SYT2: variants seen among roughly 807,000 people sequenced by gnomAD.
SYT2 encodes the protein synaptotagmin 2.
In SYT2, 15 loss-of-function variants were observed where a neutral mutation model predicts 39.9. The observed-to-expected ratio is 0.38, with a 90% CI of 0.25 to 0.58. The LOEUF (loss-of-function observed/expected upper bound fraction) is 0.58. Ranked by LOEUF, SYT2 falls within the 20% of genes least tolerant of loss-of-function variation. SYT2 has a pLI of 0.70. For missense variants in SYT2, 389 were observed against 530.3 expected (o/e 0.73, Z 2.62); for synonymous variants, 181 against 204.5 (o/e 0.89, Z 0.98).
In SYT2 at chr1:202,590,666, A is replaced by C. The variant is rs1273602683; in HGVS notation, c.*6091T>G. ...AAATAACAATTTGACAAGAGATCAG[A>C]CAAGAACAAGAGTCCACATAAGGGA... On this transcript the variant is annotated 3_prime_UTR_variant, in exon 9 of 9. Transcript: ENST00000367268. The C allele has an allele frequency of 6.6e-6, 1 of 151,596 alleles. No individual in the cohort carries two copies. The highest frequency in any genetic ancestry group is 1.5e-5 in the Non-Finnish European group (1 of 67,962). The allele number at this position is 151,596 out of a possible 1,614,324, so 9.4% of individuals were successfully genotyped here. A position where few individuals can be genotyped will look rare whatever the true frequency, so the allele number is the denominator to read the frequency against.
chr1:202,655,313 C>T (rs1389142042), intron 1 of SYT2, among the ~76,000 whole-genome samples: 4 of 152,190 alleles, frequency 2.6e-5, no homozygotes, highest in African/African-American at 4.8e-5. Context: ...TTATTCACTA[C>T]AGGCTCATCC....
chr1:202,596,690 C>T lies in SYT2; in HGVS notation c.*67G>A, dbSNP rs1051470432. ...AAAGAAAACCTCTAAGGTTGCATAA[C>T]TGAGGTATTGATAGCTCTGGATCTT... On this transcript the variant is annotated 3_prime_UTR_variant, in exon 9 of 9. Transcript: ENST00000367268. The T allele has an allele frequency of 1.5e-5, 21 of 1,430,306 alleles. No homozygotes were observed. The highest frequency in any genetic ancestry group is 1.8e-5 in the Non-Finnish European group (19 of 1,034,984). The allele number at this position is 1,430,306 out of a possible 1,614,324, so 88.6% of individuals were successfully genotyped here. A position where few individuals can be genotyped will look rare whatever the true frequency, so the allele number is the denominator to read the frequency against.
rs1558425992 is a variant in SYT2 at position 202,605,625 on chromosome 1, T to C, written c.148A>G (p.Lys50Glu). 1 of 1,613,902 alleles carries C rather than the reference T, an allele frequency of 6.2e-7. No individual in the cohort carries two copies. The highest frequency in any genetic ancestry group is 1.1e-5 in the South Asian group (1 of 91,070). Residue 50 changes from lysine (K) to glutamate (E), a missense_variant, in exon 2 of 9, where the codon AAG (lysine) becomes GAG (glutamate). Physicochemically the swap from Lys to Glu is moderately conservative, Grantham distance 56 (BLOSUM62 1). Around this residue, in one of 4 missense-constraint regions of SYT2, gnomAD observed 280 missense variants for 335.6 expected, o/e 0.83. Transcript: ENST00000367268. ...ATCTTGTTTATCTCATTGAATAACT[T>C]CTCCTTCAGTTTGGCAAACATGTCC... The part of the protein sequence containing the change: ...QEDMFAKLKE[K>E]LFNEINKIPL...
intron 1 of SYT2, among the ~76,000 whole-genome samples, chr1:202,699,036 G>A (rs911111656): frequency 3.9e-4 from 27 of 68,550 alleles, no homozygotes; most frequent in African/African-American, 1.1e-3. Flanking sequence ...TTTTTTTTGA[G>A]ACACAGGGTC....
chr1:202,678,354 A>AT (rs1159142290), intron 1 of SYT2, among the ~76,000 whole-genome samples: 15 of 151,190 alleles, frequency 9.9e-5, no homozygotes, highest in South Asian at 4.2e-4. Flanking sequence ...ACCTTTCTAA[A>AT]TTTTTTTTTA....
chr1:202,685,048 G>A (rs766119699), intron 1 of SYT2, among the ~76,000 whole-genome samples: 11 of 152,172 alleles, frequency 7.2e-5, no homozygotes, highest in Admixed American at 2.0e-4. Flanking sequence ...CATGGAAGCC[G>A]GGAAGAGAGA....
At chr1:202,673,961 C>T (rs949290561) in intron 1 of SYT2, among the ~76,000 whole-genome samples, 10 of 151,646 alleles carry the variant, frequency 6.6e-5, no homozygotes, top group Admixed American at 2.0e-4. Flanking sequence ...GGGAACCTGC[C>T]GTTACATACA....
rs575962659 is a variant in SYT2, at chr1:202,656,831, G to A, written c.-17-51042C>T. The stretch of plus-strand genomic sequence containing the variant: ...CCCACCACATTATGCTCTTCCCACT[G>A]TTTGGACATCTTTAAGAGTTACAGT... On this transcript the variant is annotated intron_variant, in intron 1 of 8. Coordinates refer to ENST00000367268, the MANE Select transcript of SYT2 (RefSeq NM_177402.5). Among the ~76,000 whole-genome samples the A allele has an allele frequency of 3.3e-5, 5 of 152,322 alleles. No homozygotes were observed. The South Asian group carries it at 1.0e-3, about 32-fold the overall frequency.
At chr1:202,654,462 T>G (rs1692245422) in intron 1 of SYT2, among the ~76,000 whole-genome samples, 2 of 152,186 alleles carry the variant, frequency 1.3e-5, no homozygotes, top group Admixed American at 1.3e-4. Flanking sequence ...AAAACCTGAC[T>G]CCAGACTCAC....
At chr1:202,624,614 T>TGTCATAGAGTGTGTGTATGGC (rs1691305414) in intron 1 of SYT2, among the ~76,000 whole-genome samples, 3 of 130,506 alleles carry the variant, frequency 2.3e-5, no homozygotes, top group African/African-American at 5.8e-5. Flanking sequence ...GTGTGTGTGG[T>TGTCATAGAGTGTGTGTATGGC]GTCATAGAGT....
chr1:202,619,838 A>G (rs1236406566), intron 1 of SYT2, among the ~76,000 whole-genome samples: 1 of 152,248 alleles, frequency 6.6e-6, no homozygotes, highest in Non-Finnish European at 1.5e-5. Context: ...TTCAATCACC[A>G]TAGCTCTGTT....
chr1:202,637,120 G>C (rs377131919), intron 1 of SYT2, among the ~76,000 whole-genome samples: 1 of 152,030 alleles, frequency 6.6e-6, no homozygotes, highest in South Asian at 2.1e-4. Context: ...CCAGGAGTTC[G>C]AGCCCAGCCT....
chr1:202,610,485 G>A (rs1690856562), intron 1 of SYT2, among the ~76,000 whole-genome samples: 1 of 152,216 alleles, frequency 6.6e-6, no homozygotes, highest in Non-Finnish European at 1.5e-5. Context: ...CAATCAGGCA[G>A]GAGAAGGAAA....
chr1:202,676,115 T>C (rs537595090), intron 1 of SYT2, among the ~76,000 whole-genome samples: 2 of 152,324 alleles, frequency 1.3e-5, no homozygotes, highest in South Asian at 4.1e-4. Flanking sequence ...GTTGGATGTC[T>C]CACTGTTGCT....
At chr1:202,607,481 G>A (rs991821663) in intron 1 of SYT2, among the ~76,000 whole-genome samples, 3 of 152,214 alleles carry the variant, frequency 2.0e-5, no homozygotes, top group Admixed American at 6.5e-5. Flanking sequence ...TTAGGTATGA[G>A]TTAACTCTCC....
chr1:202,677,070 G>A (rs530637197), intron 1 of SYT2, among the ~76,000 whole-genome samples: 5 of 152,238 alleles, frequency 3.3e-5, no homozygotes, highest in South Asian at 2.1e-4. Context: ...TTTCTGCCAC[G>A]ATTGTAGATT....
intron 1 of SYT2, among the ~76,000 whole-genome samples, chr1:202,661,053 T>A (rs1572663946): frequency 6.6e-6 from 1 of 152,142 alleles, no homozygotes; most frequent in Admixed American, 6.5e-5. Context: ...TGGCTCCAGG[T>A]GCTGGGGACA....
intron 1 of SYT2, among the ~76,000 whole-genome samples, chr1:202,698,475 AC>A (rs1163722622): frequency 6.6e-6 from 1 of 152,150 alleles, no homozygotes. Context: ...GGAAGAACTG[AC>A]CACATTCTCT....
intron 1 of SYT2, among the ~76,000 whole-genome samples, chr1:202,700,745 G>C (rs1033567988): frequency 1.3e-5 from 2 of 152,040 alleles, no homozygotes; most frequent in Non-Finnish European, 2.9e-5. Context: ...TTCGGTGTTC[G>C]GTCTGTCTGC....
Sources: gnomAD v4.1 joint callset for allele counts (sites outside exome capture counted in the v4.1 genomes callset) on GRCh38, gnomAD v4.1.1 for gene constraint, gnomAD v4.1.1 regional missense constraint, MANE v1.5 for transcripts, NCBI Gene and HGNC (gene_info 2026-07-23, HGNC 2026-07-21) for gene names.